The following CIITA variants were observed in gnomAD, a reference collection of about 807,000 sequenced individuals.
The protein encoded by CIITA is MHC class II transactivator.
In CIITA, 72 loss-of-function variants were observed where a neutral mutation model predicts 115.1. The ratio of observed to expected loss-of-function variants is 0.63; its 90% CI spans 0.52 to 0.76. The LOEUF is 0.76. Ranked by LOEUF, CIITA falls within the 30% of genes least tolerant of loss-of-function variation. The probability of loss-of-function intolerance (pLI) is 0.00; values close to 1 mark genes in which losing one functional copy is unlikely to be tolerated. For synonymous variants in CIITA, 763 were observed against 635.6 expected, an observed-to-expected ratio of 1.20 and a Z score of -3.02; for missense variants, 1,617 against 1,463.8, an observed-to-expected ratio of 1.10 and a Z score of -1.71.
At chr16:10,915,091 C>G in intron 13 of CIITA, 1 of 454,090 alleles carries the variant, frequency 2.2e-6, no homozygotes, top group South Asian at 1.6e-5. Flanking sequence ...CTCGCTCTTA[C>G]CCAGGCTGGA....
In CIITA at chr16:10,942,359, C is replaced by T. The variant is rs2145450868; in HGVS notation, n.1485C>T. The T allele has an allele frequency of 1.0e-5, 2 of 191,320 alleles. No individual in the cohort carries two copies. Among genetic ancestry groups the T allele is most frequent in the East Asian group, 1.5e-4 (1 of 6,668 alleles). 11.9% of individuals were successfully genotyped at this position (191,320 alleles called of 1,614,324 possible). A position where few individuals can be genotyped will look rare whatever the true frequency, so the allele number is the denominator to read the frequency against. On this transcript the variant is annotated non_coding_transcript_exon_variant, in exon 2 of 2. Transcript: ENST00000573379. This position sits in a 1 kb window ranked among gnomAD's most constrained non-coding sequence, Gnocchi z 5.0. ...CGCGGCTCAGTGTCTAGGGCCGGTCCCGGCAGCCTTCTCTCCCGCCCCGCC... is the reference window on the plus strand; with the variant it reads ...CGCGGCTCAGTGTCTAGGGCCGGTCTCGGCAGCCTTCTCTCCCGCCCCGCC...
chr16:10,924,921 T>C lies in CIITA; in HGVS notation c.*1066T>C. 1 of 152,262 alleles carries C rather than the reference T, an allele frequency of 6.6e-6. No homozygotes were observed. 9.4% of individuals were successfully genotyped at this position (152,262 alleles called of 1,614,324 possible). On this transcript the variant is annotated 3_prime_UTR_variant, in exon 20 of 20. Coordinates refer to ENST00000324288, the MANE Select transcript of CIITA (RefSeq NM_000246.4). ...TACCATTTTGGGGTACCCACTGCTC[T>C]GGTTATCTAATATGTAACAAGCCAC...
At position 10,927,118 on chromosome 16, in the gene CIITA, TGTG is replaced by T. The variant is rs2040563786; in HGVS notation, c.*3267_*3269del. 1 of 152,254 alleles carries T rather than the reference TGTG, an allele frequency of 6.6e-6. No homozygotes were observed. The highest frequency in any genetic ancestry group is 1.5e-5 in the Non-Finnish European group (1 of 68,048). 9.4% of individuals were successfully genotyped at this position (152,254 alleles called of 1,614,324 possible). ...CCTTCTTTATAGGATTATGTGAAGG[TGTG>T]GTGAGCTAATACGTTAAGAATTGGA... On this transcript the variant is annotated 3_prime_UTR_variant, in exon 20 of 20. Transcript: ENST00000324288.
intron 5 of CIITA, among the ~76,000 whole-genome samples, chr16:10,900,054 C>G (rs2038559767): frequency 6.6e-6 from 1 of 152,092 alleles, no homozygotes; most frequent in Non-Finnish European, 1.5e-5. Context: ...GCACTCCAGC[C>G]TGGGTGGCAG....
intron 10 of CIITA, among the ~76,000 whole-genome samples, chr16:10,905,934 C>A (rs767427365): frequency 1.2e-4 from 18 of 151,960 alleles, no homozygotes; most frequent in Non-Finnish European, 2.5e-4. Context: ...CACCTGTAAT[C>A]CCAGCACTTT....
At chr16:10,877,867 A>G (rs1272512164) in intron 1 of CIITA, among the ~76,000 whole-genome samples, 1 of 152,114 alleles carries the variant, frequency 6.6e-6, no homozygotes, top group Non-Finnish European at 1.5e-5. Flanking sequence ...CCCTCCCCCC[A>G]GTTTCCTAAT....
At chr16:10,915,289 G>T (rs532527953) in intron 13 of CIITA, among the ~76,000 whole-genome samples, 39 of 152,138 alleles carry the variant, frequency 2.6e-4, no homozygotes, top group Non-Finnish European at 5.9e-5. Context: ...GGCTCAAGCA[G>T]TCCTCTTACC....
chr16:10,928,672 G>A lies in CIITA; in HGVS notation c.*4817G>A, dbSNP rs1267804216. On this transcript the variant is annotated 3_prime_UTR_variant, in exon 20 of 20. Coordinates refer to ENST00000324288, the MANE Select transcript of CIITA (RefSeq NM_000246.4). ...CCCCACTTCTATGGGATTCAGGCCT[G>A]GTTTCCAGCTTGGCCTTCAGGCTTT... is the stretch of plus-strand genomic sequence containing the variant. 2.6e-5 allele frequency: 4 copies of A among 152,306 alleles called. No homozygotes were observed. The highest frequency in any genetic ancestry group is 2.6e-4 in the Admixed American group (4 of 15,282). 9.4% of individuals were successfully genotyped at this position (152,306 alleles called of 1,614,324 possible).
chr16:10,904,248 G>C (rs1476839539), intron 9 of CIITA, among the ~76,000 whole-genome samples: 1 of 152,158 alleles, frequency 6.6e-6, no homozygotes, highest in African/African-American at 2.4e-5. Context: ...TTGAGATGGA[G>C]TCTCACTCTG....
At chr16:10,918,605 CA>C (rs1312774662) in intron 16 of CIITA, 79 bp downstream of exon 16, 1 of 1,261,556 alleles carries the variant, frequency 7.9e-7, no homozygotes, top group Non-Finnish European at 1.1e-6. Context: ...GTGCTGGCTG[CA>C]GGGGACACTG....
At chr16:10,868,124 A>T (rs573216989) in intron 1 of CIITA, among the ~76,000 whole-genome samples, 19 of 152,220 alleles carry the variant, frequency 1.2e-4, no homozygotes, top group African/African-American at 4.3e-4. Flanking sequence ...GTCTTGAGAG[A>T]ATAACAGTGA....
intron 1 of CIITA, among the ~76,000 whole-genome samples, chr16:10,884,259 G>C (rs2036709674): frequency 6.6e-6 from 1 of 152,172 alleles, no homozygotes; most frequent in Admixed American, 6.5e-5. Context: ...GCCAGAGGCT[G>C]GTTGGTTCAA....
At position 10,927,085 on chromosome 16, in the gene CIITA, C is replaced by A. The variant is rs1470817290; in HGVS notation, c.*3230C>A. 6.6e-6 allele frequency: 1 copy of A among 152,232 alleles called. No individual in the cohort carries two copies. Among genetic ancestry groups the A allele is most frequent in the Non-Finnish European group, 1.5e-5 (1 of 68,042 alleles). The allele number at this position is 152,232 out of a possible 1,614,324, so 9.4% of individuals were successfully genotyped here. A position where few individuals can be genotyped will look rare whatever the true frequency, so the allele number is the denominator to read the frequency against. On this transcript the variant is annotated 3_prime_UTR_variant, in exon 20 of 20. Transcript: ENST00000324288. ...CTCCTCATTTGTAAAATGGGCATAACCACAGCACCTTCTTTATAGGATTAT... is the reference window on the plus strand; with the variant it reads ...CTCCTCATTTGTAAAATGGGCATAAACACAGCACCTTCTTTATAGGATTAT...
rs1309898964 is a variant in CIITA at position 10,935,667 on chromosome 16, T to A, written c.*11812T>A. 6.6e-6 allele frequency: 1 copy of A among 152,224 alleles called. No homozygotes were observed. The highest frequency in any genetic ancestry group is 1.5e-5 in the Non-Finnish European group (1 of 68,044). 9.4% of individuals were successfully genotyped at this position (152,224 alleles called of 1,614,324 possible). A position where few individuals can be genotyped will look rare whatever the true frequency, so the allele number is the denominator to read the frequency against. On this transcript the variant is annotated 3_prime_UTR_variant, in exon 20 of 20. Transcript: ENST00000324288. ...CTTCACCAACTGATCAAAGTTAACATCGCCAGAAAGGGGACAGATGGCATG... is the reference window on the plus strand; with the variant it reads ...CTTCACCAACTGATCAAAGTTAACAACGCCAGAAAGGGGACAGATGGCATG...
intron 15 of CIITA, among the ~76,000 whole-genome samples, chr16:10,918,137 T>G (rs957317216): frequency 6.6e-6 from 1 of 152,142 alleles, no homozygotes; most frequent in Admixed American, 6.5e-5. Flanking sequence ...ACACAGCCAT[T>G]AAACAAATAA....
chr16:10,882,285 A>G (rs1156366001), intron 1 of CIITA, among the ~76,000 whole-genome samples: 2 of 152,242 alleles, frequency 1.3e-5, no homozygotes, highest in Admixed American at 1.3e-4. Context: ...AATTGTAAAG[A>G]TGGAAGACGA....
Position 10,903,892 on chromosome 16 carries a change from A to T in CIITA, c.934A>T (p.Thr312Ser), listed in dbSNP as rs762822515. The change falls in exon 9 of 20, where the codon ACA (threonine) becomes TCA (serine). Residue 312 changes from threonine (T) to serine (S), a missense_variant. Physicochemically the swap from Thr to Ser is moderately conservative, Grantham distance 58. Transcript: ENST00000324288. The part of the protein sequence containing the change: ...EPALTSRANM[T>S]EHKTSPTQCP... ...TGCCCTGACCTCCCGAGCAAACATG[A>T]CAGGTAAGGACCCTTAGGGCCTGTG... The T allele has an allele frequency of 1.1e-5, 18 of 1,614,056 alleles. No individual in the cohort carries two copies. The highest frequency in any genetic ancestry group is 1.5e-5 in the Non-Finnish European group (18 of 1,180,028).
chr16:10,914,510 G>C (rs779221394), intron 13 of CIITA, among the ~76,000 whole-genome samples: 1 of 152,168 alleles, frequency 6.6e-6, no homozygotes, highest in Non-Finnish European at 1.5e-5. Context: ...TTTTACCAAA[G>C]AATGATCATT....
chr16:10,906,065 C>T (rs959254343), intron 10 of CIITA, among the ~76,000 whole-genome samples: 6 of 151,930 alleles, frequency 3.9e-5, no homozygotes, highest in African/African-American at 9.6e-5. Flanking sequence ...TGGCAGTGGG[C>T]GCCTGTAGTC....
Sources: allele counts gnomAD v4.1 joint callset (sites outside exome capture counted in the v4.1 genomes callset), GRCh38; gene constraint gnomAD v4.1.1; non-coding constraint Gnocchi (gnomAD v3.1); transcripts MANE v1.5; gene names NCBI Gene and HGNC (gene_info 2026-07-23, HGNC 2026-07-21).